ST6GALNAC5: variants seen among roughly 807,000 people sequenced by gnomAD.
The protein encoded by ST6GALNAC5 is alpha-N-acetylgalactosaminide alpha-2,6-sialyltransferase 5.
In ST6GALNAC5, 27 loss-of-function variants were observed where a neutral mutation model predicts 33.6. The observed-to-expected ratio is 0.80, with a 90% CI of 0.59 to 1.11. The LOEUF is 1.11. Among genes scored for constraint, ST6GALNAC5 ranks in the 50% least tolerant of loss-of-function variants. The pLI is 0.00. For synonymous variants in ST6GALNAC5, 194 were observed against 171.2 expected, an observed-to-expected ratio of 1.13 and a Z score of -1.04; for missense variants, 428 against 454.0, an observed-to-expected ratio of 0.94 and a Z score of 0.52.
At chr1:76,978,235 T>C (rs1649100807) in intron 2 of ST6GALNAC5, among the ~76,000 whole-genome samples, 1 of 152,224 alleles carries the variant, frequency 6.6e-6, no homozygotes, top group African/African-American at 2.4e-5. Flanking sequence ...CCTTGTTAGA[T>C]GCATAGTTCA....
chr1:76,925,149 TC>T (rs1481456017), intron 2 of ST6GALNAC5, among the ~76,000 whole-genome samples: 2 of 151,848 alleles, frequency 1.3e-5, no homozygotes, highest in East Asian at 3.9e-4. Flanking sequence ...ACCAGATCAG[TC>T]TCATGAACTA....
intron 2 of ST6GALNAC5, among the ~76,000 whole-genome samples, chr1:76,973,435 T>C (rs1403386224): frequency 6.6e-6 from 1 of 151,562 alleles, no homozygotes; most frequent in Non-Finnish European, 1.5e-5. Context: ...ATTATTATTA[T>C]TATTATTATT....
intron 2 of ST6GALNAC5, among the ~76,000 whole-genome samples, chr1:76,921,537 C>A (rs1463659704): frequency 6.6e-6 from 1 of 152,136 alleles, no homozygotes; most frequent in African/African-American, 2.4e-5. Flanking sequence ...AATACAAATT[C>A]TGCAGCCATT....
chr1:76,926,848 G>A (rs1386264771), intron 2 of ST6GALNAC5, among the ~76,000 whole-genome samples: 1 of 151,992 alleles, frequency 6.6e-6, no homozygotes, highest in Admixed American at 6.6e-5. Context: ...TAATTTTCTA[G>A]GAGAAAAATG....
intron 2 of ST6GALNAC5, among the ~76,000 whole-genome samples, chr1:77,023,489 G>A (rs1651126313): frequency 6.6e-6 from 1 of 152,100 alleles, no homozygotes. Flanking sequence ...CCACTGAGAG[G>A]CAGGCAGAGC....
Position 77,063,233 on chromosome 1 carries a change from C to G in ST6GALNAC5, c.*27C>G. The G allele has an allele frequency of 6.3e-7, 1 of 1,598,234 alleles. No individual in the cohort carries two copies. The highest frequency in any genetic ancestry group is 8.6e-7 in the Non-Finnish European group (1 of 1,166,488). On this transcript the variant is annotated 3_prime_UTR_variant, in exon 5 of 5. Transcript: ENST00000477717. The stretch of plus-strand genomic sequence containing the variant: ...GAATGAGCATGCCAGACTGTAATCC[C>G]AGGTATTCACTGCATCAGACACCGA...
intron 2 of ST6GALNAC5, among the ~76,000 whole-genome samples, chr1:76,907,639 G>A (rs1646876866): frequency 1.3e-5 from 2 of 152,112 alleles, no homozygotes; most frequent in Non-Finnish European, 2.9e-5. Flanking sequence ...TTTGCCGTGA[G>A]TTTAAATTCC....
intron 2 of ST6GALNAC5, among the ~76,000 whole-genome samples, chr1:76,917,699 G>A (rs1338832720): frequency 1.3e-5 from 2 of 151,596 alleles, no homozygotes; most frequent in Non-Finnish European, 2.9e-5. Flanking sequence ...ATAAATAATT[G>A]GCTTATGTGA....
intron 2 of ST6GALNAC5, among the ~76,000 whole-genome samples, chr1:77,032,034 G>C (rs1360775494): frequency 6.6e-6 from 1 of 152,166 alleles, no homozygotes; most frequent in African/African-American, 2.4e-5. Context: ...GACAGCGAAA[G>C]GCAGAGAGGG....
intron 2 of ST6GALNAC5, among the ~76,000 whole-genome samples, chr1:77,027,258 G>A (rs1226049245): frequency 3.9e-5 from 6 of 152,194 alleles, no homozygotes; most frequent in Non-Finnish European, 8.8e-5. Context: ...AAGGTGTTCA[G>A]GTTCTCTTCT....
chr1:76,994,595 C>T (rs1014639165), intron 2 of ST6GALNAC5, among the ~76,000 whole-genome samples: 3 of 152,164 alleles, frequency 2.0e-5, no homozygotes, highest in Non-Finnish European at 4.4e-5. Flanking sequence ...CACTTAAAAC[C>T]TCAATTTTGG....
At chr1:76,947,771 G>T (rs17099760) in intron 2 of ST6GALNAC5, among the ~76,000 whole-genome samples, 2,005 of 152,100 alleles carry the variant, frequency 0.013, 48 homozygotes, top group African/African-American at 0.045. Context: ...ATAATAAGAC[G>T]TTGGGAAACT....
chr1:76,975,269 T>A (rs1246490081), intron 2 of ST6GALNAC5, among the ~76,000 whole-genome samples: 3 of 152,214 alleles, frequency 2.0e-5, no homozygotes, highest in Non-Finnish European at 4.4e-5. Flanking sequence ...GATTATTTTC[T>A]TGAGTGTTTA....
At chr1:76,960,666 T>G (rs796692239) in intron 2 of ST6GALNAC5, among the ~76,000 whole-genome samples, 5 of 152,144 alleles carry the variant, frequency 3.3e-5, no homozygotes, top group African/African-American at 1.2e-4. Context: ...TTCAGAGGCC[T>G]ACCCTCAGGG....
In ST6GALNAC5 at chr1:77,050,287, G is replaced by C; in HGVS notation, c.701G>C (p.Gly234Ala). The change falls in exon 4 of 5, where the codon GGC becomes GCC. Residue 234 changes from glycine to alanine, a missense_variant. Coordinates refer to ENST00000477717, the MANE Select transcript of ST6GALNAC5 (RefSeq NM_030965.3). Reference protein sequence around the residue: ...RKISNTWLSTGWFTMTIALEL... With the variant: ...RKISNTWLSTAWFTMTIALEL... ...ATATCCAACACTTGGCTCAGCACTGGCTGGTTTACAATGACAATTGCACTG... is the reference window on the plus strand; with the variant it reads ...ATATCCAACACTTGGCTCAGCACTGCCTGGTTTACAATGACAATTGCACTG... 1 of 1,614,034 alleles carries C rather than the reference G, an allele frequency of 6.2e-7. No homozygotes were observed. Among genetic ancestry groups the C allele is most frequent in the East Asian group, 2.2e-5 (1 of 44,876 alleles).
rs76386332 is a variant in ST6GALNAC5 at position 76,975,648 on chromosome 1, C to T, written c.262-68556C>T. ...TATAACTTTGCATCCTCTGACCCCT[C>T]CCAAAAGAAAAGCAGACACAAAAGA... is the stretch of plus-strand genomic sequence containing the variant. On this transcript the variant is annotated intron_variant, in intron 2 of 4. Coordinates refer to ENST00000477717, the MANE Select transcript of ST6GALNAC5 (RefSeq NM_030965.3). Among the ~76,000 whole-genome samples the T allele has an allele frequency of 3.3e-3, 506 of 152,150 alleles. 1 individual carries two copies. The highest frequency in any genetic ancestry group is 0.011 in the African/African-American group (469 of 41,524).
chr1:76,902,422 CTTG>C (rs1489892958), intron 2 of ST6GALNAC5, among the ~76,000 whole-genome samples: 3 of 152,064 alleles, frequency 2.0e-5, no homozygotes, highest in Non-Finnish European at 4.4e-5. Context: ...AGATTTTAAT[CTTG>C]TTAAGATAAT....
At chr1:76,902,115 C>T (rs993789917) in intron 2 of ST6GALNAC5, among the ~76,000 whole-genome samples, 2 of 151,832 alleles carry the variant, frequency 1.3e-5, no homozygotes, top group African/African-American at 4.8e-5. Flanking sequence ...CATGAACTTA[C>T]AAAGAAAGTT....
chr1:77,065,397 C>T lies in ST6GALNAC5; in HGVS notation c.*2191C>T, dbSNP rs1001523621. On this transcript the variant is annotated 3_prime_UTR_variant, in exon 5 of 5. Transcript: ENST00000477717. Reference sequence around the variant, plus strand: ...CATGGTAGCTCCATCTCGTTTGTAACTTCTCCCTCTCAAATACTCAGAAGA... The same window carrying T: ...CATGGTAGCTCCATCTCGTTTGTAATTTCTCCCTCTCAAATACTCAGAAGA... 6.6e-6 allele frequency: 1 copy of T among 152,148 alleles called. No individual in the cohort carries two copies. The highest frequency in any genetic ancestry group is 2.4e-5 in the African/African-American group (1 of 41,434). The allele number at this position is 152,148 out of a possible 1,614,324, so 9.4% of individuals were successfully genotyped here.
Sources: gnomAD v4.1 joint callset for allele counts (sites outside exome capture counted in the v4.1 genomes callset) on GRCh38, gnomAD v4.1.1 for gene constraint, MANE v1.5 for transcripts, NCBI Gene and HGNC (gene_info 2026-07-23, HGNC 2026-07-21) for gene names.